Variants in MYO1D observed in about 807,000 individuals in gnomAD.
MYO1D encodes the protein myosin ID.
MYO1D carries 83 observed loss-of-function variants against 122.0 expected under a neutral mutation model. The ratio of observed to expected loss-of-function variants is 0.68; its 90% confidence interval spans 0.57 to 0.82. The LOEUF (loss-of-function observed/expected upper bound fraction) is 0.82. Among genes scored for constraint, MYO1D ranks in the 40% least tolerant of loss-of-function variants. The pLI, the probability that MYO1D is intolerant of heterozygous loss-of-function variation, is 0.00. For synonymous variants in MYO1D, 464 were observed against 446.9 expected (o/e 1.04, Z -0.48); for missense variants, 1,157 against 1,269.5 (o/e 0.91, Z 1.35).
chr17:32,658,266 A>G (rs755021700), intron 17 of MYO1D, among the ~76,000 whole-genome samples: 3 of 152,204 alleles, frequency 2.0e-5, no homozygotes, highest in Non-Finnish European at 2.9e-5. Context: ...CTGATTTAGC[A>G]CAGAATTATA....
chr17:32,738,316 A>C lies in MYO1D; in HGVS notation c.1683T>G (p.Pro561=). The C allele has an allele frequency of 6.2e-7, 1 of 1,611,134 alleles. No individual in the cohort carries two copies. The highest frequency in any genetic ancestry group is 8.5e-7 in the Non-Finnish European group (1 of 1,178,642). The change falls in exon 14 of 22, where the codon CCT becomes CCG. Residue 561 remains proline (P), a synonymous_variant. Coordinates refer to ENST00000318217, the MANE Select transcript of MYO1D (RefSeq NM_015194.3). ...TCTTAAACAAGGTAGCAGCAGTCAG[A>C]GGTCGCTTGGTCACCTCTGTAATGC... ...KLSITEVTKR[P]LTAATLFKNS... is the part of the protein sequence containing the mutation.
At chr17:32,809,855 A>C (rs1232566252) in intron 1 of MYO1D, among the ~76,000 whole-genome samples, 3 of 152,250 alleles carry the variant, frequency 2.0e-5, no homozygotes, top group Non-Finnish European at 4.4e-5. Context: ...GGGTCCAACT[A>C]TAATTGTCAG....
At position 32,755,516 on chromosome 17, in the gene MYO1D, T is replaced by C; in HGVS notation, c.1443A>G (p.Lys481=). ...FLEALNSKLG[K]HAHFSSRKLC... The stretch of plus-strand genomic sequence containing the variant: ...CCTTTCGGCTGGAAAAATGGGCGTG[T>C]TTGCCCAATTTACTGTTAAGTGCTT... Residue 481 remains lysine, a synonymous_variant, in exon 11 of 22, where the codon AAA becomes AAG. Coordinates refer to ENST00000318217, the MANE Select transcript of MYO1D (RefSeq NM_015194.3). 1 of 1,613,886 alleles carries C rather than the reference T, an allele frequency of 6.2e-7. No individual in the cohort carries two copies.
At chr17:32,565,747 C>T (rs1260658441) in intron 21 of MYO1D, among the ~76,000 whole-genome samples, 1 of 151,388 alleles carries the variant, frequency 6.6e-6, no homozygotes, top group African/African-American at 2.4e-5. Context: ...TTTTTTGAGA[C>T]AGAGTCTCCA....
At chr17:32,748,844 T>C (rs2089867857) in intron 12 of MYO1D, 92 bp downstream of exon 12, 1 of 1,186,964 alleles carries the variant, frequency 8.4e-7, no homozygotes, top group Non-Finnish European at 1.2e-6. Flanking sequence ...AACATGCAAA[T>C]GAATATAAAA....
chr17:32,663,313 T>C (rs1005925840), intron 16 of MYO1D, among the ~76,000 whole-genome samples: 3 of 152,220 alleles, frequency 2.0e-5, no homozygotes, highest in African/African-American at 7.2e-5. Flanking sequence ...AGTCATTCTT[T>C]CTCAGTCTGC....
chr17:32,645,278 A>G (rs1248572274), intron 19 of MYO1D, among the ~76,000 whole-genome samples: 1 of 152,190 alleles, frequency 6.6e-6, no homozygotes, highest in African/African-American at 2.4e-5. Context: ...CTGCTGAGAG[A>G]TCAGCTGTTA....
chr17:32,690,192 T>C (rs2089076924), intron 16 of MYO1D, among the ~76,000 whole-genome samples: 1 of 151,734 alleles, frequency 6.6e-6, no homozygotes. Context: ...TATCTTTTTT[T>C]TTTTTTTTGA....
intron 14 of MYO1D, among the ~76,000 whole-genome samples, chr17:32,731,864 G>A (rs1317014385): frequency 2.0e-5 from 3 of 152,214 alleles, no homozygotes; most frequent in African/African-American, 4.8e-5. Context: ...TAACCACCCA[G>A]CCATGGCTGT....
intron 1 of MYO1D, among the ~76,000 whole-genome samples, chr17:32,781,419 A>G (rs2090237096): frequency 1.3e-5 from 2 of 152,212 alleles, no homozygotes; most frequent in Admixed American, 1.3e-4. Flanking sequence ...CTCTTGATAC[A>G]TAATCTTACA....
At chr17:32,870,118 G>A (rs777865903) in intron 1 of MYO1D, among the ~76,000 whole-genome samples, 92 of 152,264 alleles carry the variant, frequency 6.0e-4, no homozygotes, top group Non-Finnish European at 1.0e-3. Flanking sequence ...GAGTAGGAAA[G>A]GAAACCAGGC....
At chr17:32,631,107 T>C (rs2087999789) in intron 20 of MYO1D, among the ~76,000 whole-genome samples, 1 of 152,172 alleles carries the variant, frequency 6.6e-6, no homozygotes, top group Non-Finnish European at 1.5e-5. Context: ...CTCTGATATA[T>C]AAATTTTGGG....
At chr17:32,600,103 C>T (rs2087545528) in intron 21 of MYO1D, among the ~76,000 whole-genome samples, 1 of 152,232 alleles carries the variant, frequency 6.6e-6, no homozygotes, top group African/African-American at 2.4e-5. Flanking sequence ...ACTAGATGTA[C>T]TGTCAATGCA....
At chr17:32,545,147 T>C (rs1384779123) in intron 21 of MYO1D, among the ~76,000 whole-genome samples, 2 of 152,206 alleles carry the variant, frequency 1.3e-5, no homozygotes, top group South Asian at 2.1e-4. Context: ...TCTGCATCTC[T>C]CTTTGGGCAG....
At chr17:32,542,216 C>T (rs539765486) in intron 21 of MYO1D, among the ~76,000 whole-genome samples, 9 of 152,200 alleles carry the variant, frequency 5.9e-5, no homozygotes, top group Admixed American at 3.9e-4. Flanking sequence ...AAATAACCAC[C>T]GGGCCGACAG....
chr17:32,834,157 A>G (rs1298191034), intron 1 of MYO1D, among the ~76,000 whole-genome samples: 2 of 152,198 alleles, frequency 1.3e-5, no homozygotes, highest in Admixed American at 6.5e-5. Flanking sequence ...CCGAAATGTA[A>G]TAATACCTGA....
At chr17:32,550,256 T>C (rs993359165) in intron 21 of MYO1D, among the ~76,000 whole-genome samples, 1 of 152,118 alleles carries the variant, frequency 6.6e-6, no homozygotes, top group Non-Finnish European at 1.5e-5. Flanking sequence ...TGCACCACCA[T>C]GGCCGGCTAA....
At chr17:32,812,852 T>G (rs2090583738) in intron 1 of MYO1D, among the ~76,000 whole-genome samples, 1 of 152,204 alleles carries the variant, frequency 6.6e-6, no homozygotes, top group Non-Finnish European at 1.5e-5. Context: ...ACCTACAAAA[T>G]GCCAAGCACT....
intron 16 of MYO1D, among the ~76,000 whole-genome samples, chr17:32,696,439 CA>C (rs1480054709): frequency 4.6e-5 from 7 of 151,990 alleles, no homozygotes; most frequent in African/African-American, 1.4e-4. Flanking sequence ...TACACTATGA[CA>C]AAAAAAGTAT....
Sources: allele counts gnomAD v4.1 joint callset (sites outside exome capture counted in the v4.1 genomes callset), GRCh38; gene constraint gnomAD v4.1.1; transcripts MANE v1.5; gene names NCBI Gene and HGNC (gene_info 2026-07-23, HGNC 2026-07-21).